The following SGIP1 variants were observed in gnomAD, a reference collection of about 807,000 sequenced individuals.
The protein encoded by SGIP1 is SH3-containing GRB2-like protein 3-interacting protein 1.
In SGIP1, 38 loss-of-function variants were observed where a neutral mutation model predicts 107.5. The ratio of observed to expected loss-of-function variants is 0.35; its 90% confidence interval spans 0.27 to 0.46. The LOEUF (loss-of-function observed/expected upper bound fraction) is 0.46, where lower values mean the gene tolerates loss of function less well. SGIP1 is among the 20% of genes least tolerant of loss of function. The pLI, the probability that SGIP1 is intolerant of heterozygous loss-of-function variation, is 1.00. For synonymous variants in SGIP1, 365 were observed against 366.1 expected (o/e 1.00, Z 0.03); for missense variants, 929 against 1,019.5 (o/e 0.91, Z 1.21).
intron 2 of SGIP1, among the ~76,000 whole-genome samples, chr1:66,626,696 A>T (rs2072888925): frequency 6.6e-6 from 1 of 152,204 alleles, no homozygotes; most frequent in Non-Finnish European, 1.5e-5. Context: ...CGGGAACTTG[A>T]GACTCCAGCC....
At chr1:66,613,630 T>A (rs1241625154) in intron 1 of SGIP1, among the ~76,000 whole-genome samples, 2 of 152,198 alleles carry the variant, frequency 1.3e-5, no homozygotes, top group Non-Finnish European at 2.9e-5. Context: ...TCACCCAGCC[T>A]AAAATCTAAG....
intron 1 of SGIP1, among the ~76,000 whole-genome samples, chr1:66,555,174 C>T (rs1407736627): frequency 6.6e-6 from 1 of 152,012 alleles, no homozygotes; most frequent in African/African-American, 2.4e-5. Context: ...GCACATATTC[C>T]CAGGCTCTAC....
chr1:66,562,004 T>G (rs1351491938), intron 1 of SGIP1, among the ~76,000 whole-genome samples: 1 of 151,964 alleles, frequency 6.6e-6, no homozygotes, highest in Non-Finnish European at 1.5e-5. Flanking sequence ...GAGTCACAGA[T>G]AGCAGTAGTC....
chr1:66,549,000 T>C (rs17486972), intron 1 of SGIP1, among the ~76,000 whole-genome samples: 17,920 of 152,252 alleles, frequency 0.12, 1,137 homozygotes, highest in South Asian at 0.16. Context: ...AGTTTTCTTT[T>C]ATAATTTCTT....
chr1:66,638,703 G>T (rs771869877), intron 4 of SGIP1, among the ~76,000 whole-genome samples: 2 of 152,120 alleles, frequency 1.3e-5, no homozygotes, highest in Admixed American at 1.3e-4. Context: ...GATTATTCTG[G>T]GTTATCTAGT....
chr1:66,650,433 G>A (rs552379382), intron 7 of SGIP1, among the ~76,000 whole-genome samples: 6 of 152,126 alleles, frequency 3.9e-5, no homozygotes, highest in Non-Finnish European at 5.9e-5. Flanking sequence ...GCTAATACCA[G>A]AAATACTGAA....
intron 3 of SGIP1, 98 bp from the exon 4 acceptor site, chr1:66,635,846 T>C (rs2075670800): frequency 2.4e-6 from 3 of 1,251,474 alleles, no homozygotes; most frequent in African/African-American, 3.0e-5. Context: ...GTTTCTTCTA[T>C]GGTATGTTTG....
At chr1:66,606,593 T>A (rs944109031) in intron 1 of SGIP1, among the ~76,000 whole-genome samples, 3 of 152,190 alleles carry the variant, frequency 2.0e-5, no homozygotes, top group African/African-American at 7.2e-5. Flanking sequence ...TCCATCATCA[T>A]GAGTCCAGAA....
At chr1:66,739,024 G>A (rs1350331047) in intron 21 of SGIP1, among the ~76,000 whole-genome samples, 1 of 152,110 alleles carries the variant, frequency 6.6e-6, no homozygotes, top group African/African-American at 2.4e-5. Context: ...AAGTAGAGTT[G>A]CAGAATCAGA....
chr1:66,726,102 G>T (rs996182058), intron 19 of SGIP1, among the ~76,000 whole-genome samples: 1 of 152,176 alleles, frequency 6.6e-6, no homozygotes, highest in African/African-American at 2.4e-5. Context: ...TACATGCACT[G>T]CAGGAGCCAC....
chr1:66,554,745 T>A (rs564149047), intron 1 of SGIP1, among the ~76,000 whole-genome samples: 16 of 152,150 alleles, frequency 1.1e-4, no homozygotes, highest in African/African-American at 3.6e-4. Context: ...TCTGAAAAAA[T>A]TCAGAATCTA....
intron 8 of SGIP1, 106 bp from the exon 9 acceptor site, chr1:66,667,424 T>C: frequency 2.0e-6 from 2 of 1,004,624 alleles, no homozygotes; most frequent in Non-Finnish European, 3.2e-6. Context: ...CTCTGGAGTG[T>C]ATGTTTGGTT....
chr1:66,687,631 G>T (rs2150069388), intron 15 of SGIP1, among the ~76,000 whole-genome samples: 1 of 152,298 alleles, frequency 6.6e-6, no homozygotes, highest in African/African-American at 2.4e-5. Flanking sequence ...TACATACACA[G>T]TTTGAGCTAT....
rs1300227552 is a variant in SGIP1 at position 66,748,732 on chromosome 1, G to A, written c.*5637G>A. Among the ~76,000 whole-genome samples, 1 of 151,842 alleles carries A rather than the reference G, an allele frequency of 6.6e-6. No homozygotes were observed. Among genetic ancestry groups the A allele is most frequent in the Non-Finnish European group, 1.5e-5 (1 of 67,846 alleles). On this transcript the variant is annotated 3_prime_UTR_variant, in exon 25 of 25. Transcript: ENST00000371037. ...AAAGAAAAGAAGTAAAGTGTATTTG[G>A]GCTATGCTCACCAATATTCCAGTAT...
intron 7 of SGIP1, among the ~76,000 whole-genome samples, chr1:66,659,328 G>A (rs549077929): frequency 2.0e-5 from 3 of 152,240 alleles, no homozygotes; most frequent in South Asian, 2.1e-4. Flanking sequence ...ATTCTGAGGG[G>A]CCATTGACCA....
At chr1:66,674,954 G>A (rs2084841726) in intron 12 of SGIP1, among the ~76,000 whole-genome samples, 1 of 152,170 alleles carries the variant, frequency 6.6e-6, no homozygotes, top group African/African-American at 2.4e-5. Flanking sequence ...ATTTTGTTAG[G>A]AAACTGTACA....
rs1233871897 is a variant in SGIP1 at position 66,735,826 on chromosome 1, C to CA, written c.2031+1975dup. Reference sequence around the variant, plus strand: ...TGGGCGACAGAGCGAGACTCCGTCTCAAAAAAAAAAAAAAAAAAAAAAAAA... The same window carrying CA: ...TGGGCGACAGAGCGAGACTCCGTCTCAAAAAAAAAAAAAAAAAAAAAAAAAA... On this transcript the variant is annotated intron_variant, in intron 21 of 24. Coordinates refer to ENST00000371037, the MANE Select transcript of SGIP1 (RefSeq NM_032291.4). 1.5e-3 allele frequency among the ~76,000 whole-genome samples: 119 copies of CA among 79,208 alleles called. 40 individuals carry two copies. The highest frequency in any genetic ancestry group is 0.01 in the East Asian group (8 of 780). 52.0% of individuals were successfully genotyped at this position (79,208 alleles called of 152,430 possible). A position where few individuals can be genotyped will look rare whatever the true frequency, so the allele number is the denominator to read the frequency against.
chr1:66,682,009 T>A lies in SGIP1; in HGVS notation c.955T>A (p.Ser319Thr). The change falls in exon 15 of 25, where the codon TCC becomes ACC. Residue 319 changes from serine to threonine, a missense_variant. Ser to Thr is a moderately conservative substitution (Grantham distance 58, BLOSUM62 1). Around this residue, in one of 2 missense-constraint regions of SGIP1, gnomAD observed 588 missense variants for 588.6 expected, o/e 1.00. Transcript: ENST00000371037. ...AAAGTGGGTCCATTTTTCTGATACATCCCCGGAACATGTTACTCCGGAGTT... is the reference window on the plus strand; with the variant it reads ...AAAGTGGGTCCATTTTTCTGATACAACCCCGGAACATGTTACTCCGGAGTT... ...EEKWVHFSDTSPEHVTPELTP... is the reference protein window; with the variant it reads ...EEKWVHFSDTTPEHVTPELTP... The A allele has an allele frequency of 1.2e-6, 2 of 1,613,992 alleles. No homozygotes were observed. Among genetic ancestry groups the A allele is most frequent in the Non-Finnish European group, 1.7e-6 (2 of 1,179,996 alleles).
Position 66,739,402 on chromosome 1 carries a change from G to A in SGIP1, c.2099G>A (p.Ser700Asn), listed in dbSNP as rs2094375869. The A allele has an allele frequency of 6.2e-7, 1 of 1,612,710 alleles. No homozygotes were observed. Among genetic ancestry groups the A allele is most frequent in the Non-Finnish European group, 8.5e-7 (1 of 1,180,020 alleles). The change falls in exon 22 of 25, where the codon AGC becomes AAC. Residue 700 changes from serine (S) to asparagine (N), a missense_variant. By Grantham distance (46) the Ser-to-Asn change is conservative. Coordinates refer to ENST00000371037, the MANE Select transcript of SGIP1 (RefSeq NM_032291.4). ...LAVNWRCEPSSTDLRIDYKYN... is the reference protein window; with the variant it reads ...LAVNWRCEPSNTDLRIDYKYN... ...GTGAATTGGCGATGTGAGCCTTCAAGCACTGACCTGCGCATAGATTACAAA... is the reference window on the plus strand; with the variant it reads ...GTGAATTGGCGATGTGAGCCTTCAAACACTGACCTGCGCATAGATTACAAA...
Sources: allele counts gnomAD v4.1 joint callset (sites outside exome capture counted in the v4.1 genomes callset), GRCh38; gene constraint gnomAD v4.1.1; regional missense constraint gnomAD v4.1.1; transcripts MANE v1.5; gene names NCBI Gene and HGNC (gene_info 2026-07-23, HGNC 2026-07-21).